PGD: variants seen among roughly 807,000 people sequenced by gnomAD.
PGD encodes the protein 6-phosphogluconate dehydrogenase, decarboxylating.
Under a neutral mutation model 60.4 loss-of-function variants are expected in PGD, and 21 were observed. That is an observed-to-expected ratio of 0.35 (90% CI 0.25 to 0.50). The LOEUF (loss-of-function observed/expected upper bound fraction) is 0.50, where lower values mean the gene tolerates loss of function less well. PGD is among the 20% of genes least tolerant of loss of function. The pLI is 0.98. For synonymous variants in PGD, 230 were observed against 235.9 expected (o/e 0.97, Z 0.23); for missense variants, 477 against 613.1 (o/e 0.78, Z 2.34).
chr1:10,419,583 G>GCGTGCGCCATGGA (rs765118477), intron 12 of PGD, 44 bp downstream of exon 12: 4 of 1,614,088 alleles, frequency 2.5e-6, no homozygotes, highest in Non-Finnish European at 2.5e-6. Context: ...CCCCTCGGGG[G>GCGTGCGCCATGGA]CGTGCGCCAT....
chr1:10,411,465 G>T lies in PGD; in HGVS notation c.567G>T (p.Gly189=), dbSNP rs751213274. 1 of 1,612,708 alleles carries T rather than the reference G, an allele frequency of 6.2e-7. No individual in the cohort carries two copies. The highest frequency in any genetic ancestry group is 1.1e-5 in the South Asian group (1 of 91,054). ...AGHFVKMVHN[G]IEYGDMQLIC... ...ACTTCGTGAAGATGGTGCACAACGG[G>T]ATAGAGTATGGGGACATGCAGCTGA... is the stretch of plus-strand genomic sequence containing the variant. The change falls in exon 7 of 13, where the codon GGG becomes GGT. Residue 189 remains glycine, a synonymous_variant. Coordinates refer to ENST00000270776, the MANE Select transcript of PGD (RefSeq NM_002631.4).
At position 10,418,819 on chromosome 1, in the gene PGD, A is replaced by G; in HGVS notation, c.1110-7A>G. 1 of 1,432,908 alleles carries G rather than the reference A, an allele frequency of 7.0e-7. No homozygotes were observed. The highest frequency in any genetic ancestry group is 9.7e-7 in the Non-Finnish European group (1 of 1,026,492). The allele number at this position is 1,432,908 out of a possible 1,614,324, so 88.8% of individuals were successfully genotyped here. On this transcript the variant is annotated splice_region_variant and splice_polypyrimidine_tract_variant and intron_variant, in intron 10 of 12. Transcript: ENST00000270776. ...TCATTGCTTTTTTCCCCCCTTGATTATTTCAGTGTATTCCTAGGAAAGATA... is the reference window on the plus strand; with the variant it reads ...TCATTGCTTTTTTCCCCCCTTGATTGTTTCAGTGTATTCCTAGGAAAGATA...
chr1:10,417,712 C>CT (rs1337253312), intron 10 of PGD, among the ~76,000 whole-genome samples: 6 of 151,526 alleles, frequency 4.0e-5, no homozygotes, highest in East Asian at 1.9e-4. Context: ...CACACTACAC[C>CT]TTTTTTTTTC....
chr1:10,406,741 G>T lies in PGD; in HGVS notation c.450-1330G>T, dbSNP rs562535822. On this transcript the variant is annotated intron_variant, in intron 5 of 12. Coordinates refer to ENST00000270776, the MANE Select transcript of PGD (RefSeq NM_002631.4). ...AGAACAGTGAGGGAAAGTCTCAAGAGTAATATATCCGCGTGCTGAGCTGTG... is the reference window on the plus strand; with the variant it reads ...AGAACAGTGAGGGAAAGTCTCAAGATTAATATATCCGCGTGCTGAGCTGTG... Among the ~76,000 whole-genome samples the T allele has an allele frequency of 7.2e-5, 11 of 152,324 alleles. No homozygotes were observed. In the South Asian group the frequency reaches 2.3e-3, roughly 32 times the overall value.
chr1:10,418,773 C>CA (rs370777082), intron 10 of PGD, 53 bp from the exon 11 acceptor site: 186,009 of 777,472 alleles, frequency 0.24, 6,114 homozygotes, highest in African/African-American at 0.31. Flanking sequence ...GACTCCGTCT[C>CA]AAAAAAAAAA....
intron 10 of PGD, 41 bp downstream of exon 10, chr1:10,417,550 C>A (rs760690055): frequency 6.4e-7 from 1 of 1,573,900 alleles, no homozygotes. Flanking sequence ...GAAGGACTCA[C>A]ACGGCTGTGC....
intron 6 of PGD, 50 bp downstream of exon 6, chr1:10,408,190 A>G (rs1161246825): frequency 2.0e-6 from 2 of 1,021,738 alleles, no homozygotes; most frequent in Non-Finnish European, 3.1e-6. Flanking sequence ...GGGCGTGTCT[A>G]AGTGATGAAG....
chr1:10,409,004 GT>G (rs1557762201), intron 6 of PGD, among the ~76,000 whole-genome samples: 1 of 152,218 alleles, frequency 6.6e-6, no homozygotes, highest in Non-Finnish European at 1.5e-5. Flanking sequence ...CTGAGTGGCA[GT>G]TCTGGCTTTC....
intron 3 of PGD, among the ~76,000 whole-genome samples, chr1:10,402,354 G>T (rs981889108): frequency 6.6e-6 from 1 of 151,814 alleles, no homozygotes; most frequent in Admixed American, 6.6e-5. Flanking sequence ...ACAGGTGTGA[G>T]CCACTGAGCC....
intron 6 of PGD, among the ~76,000 whole-genome samples, chr1:10,410,656 T>C (rs1259857555): frequency 6.6e-6 from 1 of 152,100 alleles, no homozygotes; most frequent in African/African-American, 2.4e-5. Context: ...TTGTTCCAGT[T>C]CTTGACAACT....
intron 2 of PGD, 128 bp downstream of exon 2, chr1:10,399,832 A>G: frequency 1.2e-6 from 1 of 802,790 alleles, no homozygotes. Context: ...TGCTCGTGGC[A>G]TTTTTGTATG....
Position 10,417,230 on chromosome 1 carries a change from A to T in PGD, c.975+113A>T, listed in dbSNP as rs202090685. The T allele has an allele frequency of 4.1e-6, 6 of 1,457,436 alleles. No homozygotes were observed. The East Asian group carries it at 1.4e-4, about 33-fold the overall frequency. The allele number at this position is 1,457,436 out of a possible 1,614,324, so 90.3% of individuals were successfully genotyped here. On this transcript the variant is annotated intron_variant, in intron 9 of 12. Coordinates refer to ENST00000270776, the MANE Select transcript of PGD (RefSeq NM_002631.4). Reference sequence around the variant, plus strand: ...CAGGATGGCAGGTGGAATGAAGTTCAGCCTTGACTTGGATCTTGACTTACA... The same window carrying T: ...CAGGATGGCAGGTGGAATGAAGTTCTGCCTTGACTTGGATCTTGACTTACA...
At position 10,418,838 on chromosome 1, in the gene PGD, A is replaced by G; in HGVS notation, c.1122A>G (p.Gly374=). The change falls in exon 11 of 13, where the codon GGA becomes GGG. Residue 374 remains glycine (G), a synonymous_variant. Transcript: ENST00000270776. ...TTGATTATTTCAGTGTATTCCTAGGAAAGATAAAGGATGCATTTGATCGAA... is the reference window on the plus strand; with the variant it reads ...TTGATTATTTCAGTGTATTCCTAGGGAAGATAAAGGATGCATTTGATCGAA... The part of the protein sequence containing the change: ...GGCIIRSVFL[G]KIKDAFDRNP... 6.3e-7 allele frequency: 1 copy of G among 1,586,914 alleles called. No individual in the cohort carries two copies.
intron 3 of PGD, among the ~76,000 whole-genome samples, chr1:10,401,856 A>G (rs953049923): frequency 6.6e-6 from 1 of 152,088 alleles, no homozygotes; most frequent in Non-Finnish European, 1.5e-5. Context: ...TCTACTAAAA[A>G]TACAAAAAAT....
chr1:10,400,322 T>G, intron 2 of PGD, 71 bp from the exon 3 acceptor site: 2 of 1,182,200 alleles, frequency 1.7e-6, no homozygotes, highest in South Asian at 1.4e-5. Context: ...GGAAAGGTCA[T>G]TGTTACTTTG....
At position 10,413,388 on chromosome 1, in the gene PGD, T is replaced by C. The variant is rs149000470; in HGVS notation, c.844+137T>C. 2.7e-3 allele frequency: 1,798 copies of C among 673,150 alleles called. 5 individuals carry two copies. The highest frequency in any genetic ancestry group is 4.1e-3 in the Non-Finnish European group (1,653 of 404,880). 41.7% of individuals were successfully genotyped at this position (673,150 alleles called of 1,614,324 possible). On this transcript the variant is annotated intron_variant, in intron 8 of 12. Coordinates refer to ENST00000270776, the MANE Select transcript of PGD (RefSeq NM_002631.4). ...AGAGTGCCTTTTGCTCTTTCTTGCG[T>C]TGAAGAAACTGACAGTGTGAGAGAG...
chr1:10,418,983 G>T, intron 11 of PGD, 58 bp downstream of exon 11: 1 of 957,584 alleles, frequency 1.0e-6, no homozygotes, highest in Non-Finnish European at 1.6e-6. Context: ...CATCAGTTGT[G>T]ATGTTTGGTT....
At chr1:10,414,675 C>T (rs1639564574) in intron 8 of PGD, among the ~76,000 whole-genome samples, 3 of 151,938 alleles carry the variant, frequency 2.0e-5, no homozygotes, top group Admixed American at 2.0e-4. Flanking sequence ...CCATGCCCAG[C>T]AAAGGTGGTT....
chr1:10,404,058 T>C lies in PGD; in HGVS notation c.331-103T>C, dbSNP rs888455877. 4 of 798,208 alleles carry C rather than the reference T, an allele frequency of 5.0e-6. No individual in the cohort carries two copies. The African/African-American group carries it at 5.2e-5, about 10-fold the overall frequency. The allele number at this position is 798,208 out of a possible 1,614,324, so 49.4% of individuals were successfully genotyped here. On this transcript the variant is annotated intron_variant, in intron 4 of 12. Transcript: ENST00000270776. ...ATGTAGGCTCTCCATTCCTATCTTA[T>C]ACTTCCTCTCATTTATAAGGGAAAC...
Sources: gnomAD v4.1 joint callset for allele counts (sites outside exome capture counted in the v4.1 genomes callset) on GRCh38, gnomAD v4.1.1 for gene constraint, MANE v1.5 for transcripts, NCBI Gene and HGNC (gene_info 2026-07-23, HGNC 2026-07-21) for gene names.